PCNX2: variants seen among roughly 807,000 people sequenced by gnomAD.
PCNX2 encodes the protein pecanex-like protein 2.
PCNX2 carries 168 observed loss-of-function variants against 223.8 expected under a neutral mutation model. The observed-to-expected ratio is 0.75, with a 90% CI of 0.66 to 0.85. PCNX2 has a LOEUF of 0.85. Ranked by LOEUF, PCNX2 falls within the 40% of genes least tolerant of loss-of-function variation. PCNX2 has a pLI of 0.00. For synonymous variants in PCNX2, 1,006 were observed against 1,052.6 expected (o/e 0.96, Z 0.86); for missense variants, 2,507 against 2,675.5 (o/e 0.94, Z 1.39).
In PCNX2 at chr1:233,198,928, C is replaced by T. The variant is rs1320702275; in HGVS notation, c.3066+11G>A. On this transcript the variant is annotated intron_variant, in intron 15 of 33. Coordinates refer to ENST00000258229, the MANE Select transcript of PCNX2 (RefSeq NM_014801.4). ...TCGAGAAGGATGAGGGCCCATGGTC[C>T]TCACACCTACCTTCACTGCACTGAA... 2 of 1,595,056 alleles carry T rather than the reference C, an allele frequency of 1.3e-6. No homozygotes were observed. The highest frequency in any genetic ancestry group is 1.3e-5 in the African/African-American group (1 of 74,596).
chr1:233,161,207 A>G, intron 18 of PCNX2, 64 bp downstream of exon 18: 4 of 1,454,556 alleles, frequency 2.7e-6, no homozygotes, highest in Non-Finnish European at 3.8e-6. Context: ...CTGTAGCTCC[A>G]TGACAGCTTT....
chr1:233,103,416 TC>T (rs1481139729), intron 21 of PCNX2, among the ~76,000 whole-genome samples: 3 of 152,048 alleles, frequency 2.0e-5, no homozygotes, highest in Non-Finnish European at 4.4e-5. Flanking sequence ...CATCACCACC[TC>T]CTCCCAATGT....
At chr1:233,311,818 T>G in the PCNX2 span, among the ~76,000 whole-genome samples, 1 of 152,004 alleles carries the variant, frequency 6.6e-6, no homozygotes, top group Non-Finnish European at 1.5e-5. Flanking sequence ...CAAAAACAAA[T>G]AGAACTTAAA....
intron 21 of PCNX2, among the ~76,000 whole-genome samples, chr1:233,130,173 C>G (rs553620643): frequency 2.6e-5 from 4 of 152,090 alleles, no homozygotes; most frequent in South Asian, 2.1e-4. Flanking sequence ...CGAACACATC[C>G]GAACATCGGA....
chr1:233,266,529 T>C (rs2103004829), intron 1 of PCNX2, among the ~76,000 whole-genome samples: 1 of 152,230 alleles, frequency 6.6e-6, no homozygotes, highest in East Asian at 1.9e-4. Flanking sequence ...ATCATCATAC[T>C]CAGGAAACAG....
At chr1:233,123,713 T>C (rs1175309994) in intron 21 of PCNX2, among the ~76,000 whole-genome samples, 1 of 152,186 alleles carries the variant, frequency 6.6e-6, no homozygotes, top group Non-Finnish European at 1.5e-5. Flanking sequence ...TGGACCTAGA[T>C]ATGAATGAGA....
At chr1:233,159,526 C>T (rs563811127) in intron 19 of PCNX2, among the ~76,000 whole-genome samples, 1 of 152,278 alleles carries the variant, frequency 6.6e-6, no homozygotes, top group East Asian at 1.9e-4. Context: ...GCAGAATCAG[C>T]AGCATTAGAC....
intron 12 of PCNX2, chr1:233,211,711 G>C (rs1479216380): frequency 4.5e-5 from 42 of 924,624 alleles, no homozygotes; most frequent in Non-Finnish European, 5.2e-5. Flanking sequence ...ACCATGGGGA[G>C]GCATGCATGT....
At chr1:233,261,443 C>G in intron 3 of PCNX2, 122 bp from the exon 4 acceptor site, 1 of 838,604 alleles carries the variant, frequency 1.2e-6, no homozygotes, top group Non-Finnish European at 2.0e-6. Flanking sequence ...AGAGACAATA[C>G]AGTGTTCACT....
chr1:233,313,837 A>G, the PCNX2 span, among the ~76,000 whole-genome samples: 1,600 of 152,312 alleles, frequency 0.011, 19 homozygotes, highest in African/African-American at 0.022. Context: ...CTTTACAACT[A>G]TGGGAGACCA....
chr1:233,130,637 A>C (rs961224174), intron 21 of PCNX2, among the ~76,000 whole-genome samples: 1 of 151,938 alleles, frequency 6.6e-6, no homozygotes, highest in African/African-American at 2.4e-5. Flanking sequence ...GGTGCCCGCC[A>C]CTGTGCCCGG....
intron 21 of PCNX2, among the ~76,000 whole-genome samples, chr1:233,114,282 G>A (rs1158069893): frequency 6.6e-6 from 1 of 152,182 alleles, no homozygotes; most frequent in Non-Finnish European, 1.5e-5. Flanking sequence ...GAGTCCAGTG[G>A]ATATCAAGGG....
chr1:233,207,516 G>A (rs900392547), intron 13 of PCNX2, among the ~76,000 whole-genome samples: 11 of 152,208 alleles, frequency 7.2e-5, no homozygotes, highest in African/African-American at 2.7e-4. Context: ...GGTCAATACC[G>A]GAGCAATCAC....
At chr1:233,155,967 G>A (rs1678097032) in intron 19 of PCNX2, among the ~76,000 whole-genome samples, 1 of 152,036 alleles carries the variant, frequency 6.6e-6, no homozygotes, top group African/African-American at 2.4e-5. Context: ...TAGCTTGGGG[G>A]GAAATATGGC....
At chr1:233,205,563 C>A (rs1251571999) in intron 13 of PCNX2, among the ~76,000 whole-genome samples, 1 of 152,006 alleles carries the variant, frequency 6.6e-6, no homozygotes, top group Non-Finnish European at 1.5e-5. Context: ...GGTATGATGG[C>A]ACGCACCTAT....
intron 12 of PCNX2, among the ~76,000 whole-genome samples, chr1:233,216,604 A>G (rs1656933142): frequency 6.6e-6 from 1 of 152,202 alleles, no homozygotes; most frequent in Non-Finnish European, 1.5e-5. Context: ...GGGTACAGAA[A>G]TCGGTACAGC....
rs374951288 is a variant in PCNX2 at position 233,236,841 on chromosome 1, G to A, written c.2358+4C>T. The A allele has an allele frequency of 6.3e-5, 101 of 1,613,186 alleles. No individual in the cohort carries two copies. Among genetic ancestry groups the A allele is most frequent in the Non-Finnish European group, 7.7e-5 (91 of 1,179,772 alleles). Reference sequence around the variant, plus strand: ...CACAAACAGCAATTCTGGAATGTACGTACCCGTGGGGTTTCCGACTGGGTC... The same window carrying A: ...CACAAACAGCAATTCTGGAATGTACATACCCGTGGGGTTTCCGACTGGGTC... On this transcript the variant is annotated splice_donor_region_variant and intron_variant, in intron 9 of 33. Coordinates refer to ENST00000258229, the MANE Select transcript of PCNX2 (RefSeq NM_014801.4).
At chr1:233,116,573 A>C (rs1475040390) in intron 21 of PCNX2, among the ~76,000 whole-genome samples, 1 of 152,202 alleles carries the variant, frequency 6.6e-6, no homozygotes, top group Non-Finnish European at 1.5e-5. Flanking sequence ...AGGAAGTCTT[A>C]AGGGGAATAA....
chr1:233,295,542 A>C lies in PCNX2; in HGVS notation c.-64T>G. ...CCCTGCGCGCCCCGGCCGGATCTCC[A>C]GGCTCCCTCAGGTCTAACACCCGGG... On this transcript the variant is annotated 5_prime_UTR_variant, in exon 1 of 34. Transcript: ENST00000258229. The surrounding 1 kb of genome is among the most constrained non-coding windows in gnomAD (Gnocchi z 4.1). 1.4e-6 allele frequency: 2 copies of C among 1,445,462 alleles called. No homozygotes were observed. Among genetic ancestry groups the C allele is most frequent in the Non-Finnish European group, 1.8e-6 (2 of 1,098,602 alleles). The allele number at this position is 1,445,462 out of a possible 1,614,324, so 89.5% of individuals were successfully genotyped here.
Sources: gnomAD v4.1 joint callset for allele counts (sites outside exome capture counted in the v4.1 genomes callset) on GRCh38, gnomAD v4.1.1 for gene constraint, Gnocchi (gnomAD v3.1) non-coding constraint, MANE v1.5 for transcripts, NCBI Gene and HGNC (gene_info 2026-07-23, HGNC 2026-07-21) for gene names.